The following LAMA3 variants were observed in gnomAD, a reference collection of about 807,000 sequenced individuals.
LAMA3 encodes laminin subunit alpha 3.
LAMA3 carries 281 observed loss-of-function variants against 402.0 expected under a neutral mutation model. That is an observed-to-expected ratio of 0.70 (90% CI 0.63 to 0.77). The LOEUF (loss-of-function observed/expected upper bound fraction) is 0.77. Among genes scored for constraint, LAMA3 ranks in the 30% least tolerant of loss-of-function variants. LAMA3 has a pLI of 0.00. For missense variants in LAMA3, 3,840 were observed against 4,215.5 expected (o/e 0.91, Z 2.47); for synonymous variants, 1,431 against 1,558.4 (o/e 0.92, Z 1.93).
At chr18:23,818,519 A>G (rs1321573309) in intron 18 of LAMA3, among the ~76,000 whole-genome samples, 2 of 152,148 alleles carry the variant, frequency 1.3e-5, no homozygotes. Context: ...ATTCCCCCAC[A>G]TGTTTGCTCT....
chr18:23,701,839 C>G (rs1233808854), intron 1 of LAMA3, among the ~76,000 whole-genome samples: 1 of 152,100 alleles, frequency 6.6e-6, no homozygotes, highest in Non-Finnish European at 1.5e-5. Context: ...CCTGGGAGAG[C>G]GAACAGCATG....
At chr18:23,712,379 CAA>C (rs71163637) in intron 1 of LAMA3, among the ~76,000 whole-genome samples, 200 of 103,634 alleles carry the variant, frequency 1.9e-3, no homozygotes, top group Middle Eastern at 0.014. Context: ...AACTCCGTCT[CAA>C]AAAAAAAAAA....
rs539136922 is a variant in LAMA3, at chr18:23,817,014, C to A, written c.2147+527C>A. Among the ~76,000 whole-genome samples the A allele has an allele frequency of 3.3e-5, 5 of 152,304 alleles. No individual in the cohort carries two copies. The East Asian group carries it at 9.6e-4, about 29-fold the overall frequency. ...TGCCTGGGCTAATAAGGTTCAGTTCCTGTTTCCCTCTTGGGACCCAGGAGT... is the reference window on the plus strand; with the variant it reads ...TGCCTGGGCTAATAAGGTTCAGTTCATGTTTCCCTCTTGGGACCCAGGAGT... On this transcript the variant is annotated intron_variant, in intron 18 of 74. Coordinates refer to ENST00000313654, the MANE Select transcript of LAMA3 (RefSeq NM_198129.4).
At chr18:23,803,674 G>A (rs2062907818) in intron 12 of LAMA3, among the ~76,000 whole-genome samples, 1 of 152,180 alleles carries the variant, frequency 6.6e-6, no homozygotes, top group Admixed American at 6.5e-5. Flanking sequence ...TCCAAGCAAA[G>A]TGAACAACCA....
chr18:23,894,813 G>T, intron 43 of LAMA3, 94 bp from the exon 44 acceptor site: 1 of 1,510,534 alleles, frequency 6.6e-7, no homozygotes, highest in Non-Finnish European at 9.2e-7. Flanking sequence ...GACGATCTGC[G>T]TGCATGCCAA....
chr18:23,706,054 T>C (rs952108419), intron 1 of LAMA3, among the ~76,000 whole-genome samples: 4 of 152,268 alleles, frequency 2.6e-5, no homozygotes, highest in Admixed American at 1.3e-4. Context: ...TTTTGCTTGC[T>C]CATAACTTTA....
chr18:23,928,137 C>A lies in LAMA3; in HGVS notation c.8192C>A (p.Thr2731Lys). The change falls in exon 63 of 75, where the codon ACG (threonine) becomes AAG (lysine). Residue 2731 changes from threonine to lysine, a missense_variant. This residue lies in a region of LAMA3 where 840 missense variants were observed against 981.9 expected (regional missense o/e 0.86). Transcript: ENST00000313654. ...IAIRERFNIS[T>K]PAFRGCMKNL... ...TTCGTAATCAGATTTAACATTTCTACGCCTGCTTTCCGAGGCTGCATGAAA... is the reference window on the plus strand; with the variant it reads ...TTCGTAATCAGATTTAACATTTCTAAGCCTGCTTTCCGAGGCTGCATGAAA... 6.2e-7 allele frequency: 1 copy of A among 1,611,986 alleles called. No homozygotes were observed. The highest frequency in any genetic ancestry group is 8.5e-7 in the Non-Finnish European group (1 of 1,178,026).
At chr18:23,747,867 C>G in intron 2 of LAMA3, 76 bp from the exon 3 acceptor site, 2 of 880,690 alleles carry the variant, frequency 2.3e-6, no homozygotes, top group Non-Finnish European at 3.9e-6. Context: ...CCTTGGGAAT[C>G]AGCATCACAT....
intron 14 of LAMA3, among the ~76,000 whole-genome samples, chr18:23,813,542 T>C (rs1787343217): frequency 6.7e-6 from 1 of 149,200 alleles, no homozygotes; most frequent in East Asian, 2.0e-4. Flanking sequence ...TCTTTTTCTT[T>C]TCTTTTCTTT....
chr18:23,751,581 A>G (rs2061753532), intron 5 of LAMA3, among the ~76,000 whole-genome samples: 1 of 152,206 alleles, frequency 6.6e-6, no homozygotes, highest in Admixed American at 6.5e-5. Flanking sequence ...GAGAGTATAG[A>G]GAAAAATCTA....
intron 36 of LAMA3, among the ~76,000 whole-genome samples, chr18:23,867,083 C>T (rs1483072834): frequency 6.6e-6 from 1 of 152,122 alleles, no homozygotes; most frequent in African/African-American, 2.4e-5. Context: ...CAGGGGGAGG[C>T]AGCAGGGGAA....
chr18:23,748,645 A>G (rs542151344), intron 3 of LAMA3, among the ~76,000 whole-genome samples: 1 of 151,652 alleles, frequency 6.6e-6, no homozygotes, highest in East Asian at 2.0e-4. Flanking sequence ...AAATACAAAA[A>G]TAAGCAAAGT....
intron 59 of LAMA3, 51 bp downstream of exon 59, chr18:23,915,473 T>G (rs1423600351): frequency 6.4e-7 from 1 of 1,555,098 alleles, no homozygotes. Context: ...TTTGGTAACT[T>G]GCAGTACTTT....
Position 23,894,361 on chromosome 18 carries a change from A to G in LAMA3, c.5461+13A>G. 1 of 1,609,794 alleles carries G rather than the reference A, an allele frequency of 6.2e-7. No homozygotes were observed. The highest frequency in any genetic ancestry group is 1.1e-5 in the South Asian group (1 of 90,994). On this transcript the variant is annotated intron_variant, in intron 43 of 74. Transcript: ENST00000313654. ...GAAGAATGTGATGGTGAGAAAAGAA[A>G]GCCCCTCCTCCTCCTTTCCAAGTTG... is the stretch of plus-strand genomic sequence containing the variant.
chr18:23,954,599 C>T lies in LAMA3; in HGVS notation c.9953C>T (p.Ala3318Val), dbSNP rs1316195382. ...VNHIPVPVTE[A>V]LEVQGPVSLN... ...CACATCCCTGTCCCTGTCACTGAAG[C>T]CTTGGAAGTCCAGGGGCCTGTCAGT... Residue 3318 changes from alanine to valine, a missense_variant, in exon 75 of 75, where the codon GCC becomes GTC. Around this residue, in one of 3 missense-constraint regions of LAMA3, gnomAD observed 840 missense variants for 981.9 expected, o/e 0.86. Coordinates refer to ENST00000313654, the MANE Select transcript of LAMA3 (RefSeq NM_198129.4). 1.2e-6 allele frequency: 2 copies of T among 1,613,946 alleles called. No individual in the cohort carries two copies. The highest frequency in any genetic ancestry group is 1.7e-6 in the Non-Finnish European group (2 of 1,179,932).
intron 67 of LAMA3, among the ~76,000 whole-genome samples, chr18:23,938,359 T>C (rs1162973671): frequency 6.6e-6 from 1 of 152,210 alleles, no homozygotes; most frequent in Non-Finnish European, 1.5e-5. Context: ...ACTTGAGCTC[T>C]GCGGTGGAGA....
rs61175276 is a variant in LAMA3 at position 23,765,449 on chromosome 18, T to C, written c.1182+1926T>C. The stretch of plus-strand genomic sequence containing the variant: ...CCACTTAAGAGTCAGAATGTGCAGC[T>C]TGAGTAAAGTTAATTGTCTCATAAA... On this transcript the variant is annotated intron_variant, in intron 8 of 74. Coordinates refer to ENST00000313654, the MANE Select transcript of LAMA3 (RefSeq NM_198129.4). 3.6e-3 allele frequency among the ~76,000 whole-genome samples: 547 copies of C among 152,322 alleles called. 3 individuals are homozygous for C. Among genetic ancestry groups the C allele is most frequent in the African/African-American group, 0.012 (518 of 41,560 alleles).
At position 23,773,507 on chromosome 18, in the gene LAMA3, C is replaced by T; in HGVS notation, c.1193C>T (p.Ala398Val). 1 of 1,593,290 alleles carries T rather than the reference C, an allele frequency of 6.3e-7. No individual in the cohort carries two copies. The highest frequency in any genetic ancestry group is 8.6e-7 in the Non-Finnish European group (1 of 1,166,724). The change falls in exon 9 of 75, where the codon GCT becomes GTT. Residue 398 changes from alanine to valine, a missense_variant. Coordinates refer to ENST00000313654, the MANE Select transcript of LAMA3 (RefSeq NM_198129.4). ...GVCINCQHNT[A>V]GVNCEQCAKG... The stretch of plus-strand genomic sequence containing the variant: ...TTTGTTTCTTTCTAGCACAACACAG[C>T]TGGAGTAAACTGTGAACAGTGTGCT...
Position 23,914,437 on chromosome 18 carries a change from G to C in LAMA3, c.7357G>C (p.Val2453Leu). 1 of 1,614,174 alleles carries C rather than the reference G, an allele frequency of 6.2e-7. No homozygotes were observed. Among genetic ancestry groups the C allele is most frequent in the Non-Finnish European group, 8.5e-7 (1 of 1,180,024 alleles). The change falls in exon 57 of 75, where the codon GTT (valine) becomes CTT (leucine). Residue 2453 changes from valine (V) to leucine (L), a missense_variant. Around this residue, in one of 3 missense-constraint regions of LAMA3, gnomAD observed 891 missense variants for 857.5 expected, o/e 1.04. Transcript: ENST00000313654. The part of the protein sequence containing the change: ...DASRDYIGMA[V>L]VDGQLTCVYN... ...CTCCCGGGACTACATCGGCATGGCA[G>C]TTGTGGATGGCCAGCTCACCTGTGT...
Sources: gnomAD v4.1 joint callset for allele counts (sites outside exome capture counted in the v4.1 genomes callset) on GRCh38, gnomAD v4.1.1 for gene constraint, gnomAD v4.1.1 regional missense constraint, MANE v1.5 for transcripts, NCBI Gene and HGNC (gene_info 2026-07-23, HGNC 2026-07-21) for gene names.